The following KCNQ4 variants were observed in gnomAD, a reference collection of about 807,000 sequenced individuals.
KCNQ4 encodes potassium voltage-gated channel subfamily KQT member 4.
KCNQ4 carries 31 observed loss-of-function variants against 72.6 expected under a neutral mutation model. That is an observed-to-expected ratio of 0.43 (90% CI 0.32 to 0.58). KCNQ4 has a LOEUF of 0.58. Ranked by LOEUF, KCNQ4 falls within the 20% of genes least tolerant of loss-of-function variation. The pLI, the probability that KCNQ4 is intolerant of heterozygous loss-of-function variation, is 0.08. For missense variants in KCNQ4, 869 were observed against 962.6 expected (o/e 0.90, Z 1.29); for synonymous variants, 405 against 403.7 (o/e 1.00, Z -0.04).
chr1:40,827,238 T>C (rs1228044762), intron 9 of KCNQ4, among the ~76,000 whole-genome samples: 5 of 152,110 alleles, frequency 3.3e-5, no homozygotes, highest in African/African-American at 1.2e-4. Context: ...CGGTGATGAA[T>C]AAAACATCGT....
chr1:40,808,547 C>T (rs1647832492), intron 1 of KCNQ4, among the ~76,000 whole-genome samples: 1 of 152,118 alleles, frequency 6.6e-6, no homozygotes, highest in African/African-American at 2.4e-5. Context: ...CTCCTGCCCA[C>T]TTCTGAGAGT....
chr1:40,831,093 G>A lies in KCNQ4; in HGVS notation c.1302G>A (p.Met434Ile), dbSNP rs1240213228. The change falls in exon 10 of 14, where the codon ATG (methionine) becomes ATA (isoleucine). Residue 434 changes from methionine (M) to isoleucine (I), a missense_variant. Met to Ile is a conservative substitution (Grantham distance 10, BLOSUM62 1). This residue lies in a region of KCNQ4 where 480 missense variants were observed against 501.9 expected (regional missense o/e 0.96). Transcript: ENST00000347132. ...TSFCPGESSR[M>I]GIKDRIRMGS... ...CTGCCTGCCCTGCCAGCAGCCGGATGGGCATCAAAGACCGCATCCGCATGG... is the reference window on the plus strand; with the variant it reads ...CTGCCTGCCCTGCCAGCAGCCGGATAGGCATCAAAGACCGCATCCGCATGG... 1 of 1,592,664 alleles carries A rather than the reference G, an allele frequency of 6.3e-7. No homozygotes were observed. Among genetic ancestry groups the A allele is most frequent in the Non-Finnish European group, 8.6e-7 (1 of 1,169,460 alleles).
At chr1:40,795,289 T>G (rs1472854426) in intron 1 of KCNQ4, among the ~76,000 whole-genome samples, 2 of 136,334 alleles carry the variant, frequency 1.5e-5, no homozygotes, top group African/African-American at 2.7e-5. Context: ...TGAGACAGAG[T>G]CTTACTCTTT....
At chr1:40,801,635 T>C (rs578173903) in intron 1 of KCNQ4, among the ~76,000 whole-genome samples, 1 of 152,334 alleles carries the variant, frequency 6.6e-6, no homozygotes, top group South Asian at 2.1e-4. Flanking sequence ...ATCCCCGGTG[T>C]CTACCATCTG....
rs1256192768 is a variant in KCNQ4, at chr1:40,811,192, G to C, written c.315-6073G>C. ...CCAATAGGAAGCCTTTGGCCAGCAG[G>C]AGCAGTTATGGTTATTACTTCAGGT... On this transcript the variant is annotated intron_variant, in intron 1 of 13. Transcript: ENST00000347132. 2.0e-5 allele frequency among the ~76,000 whole-genome samples: 3 copies of C among 152,122 alleles called. No individual in the cohort carries two copies. The South Asian group carries it at 6.2e-4, about 31-fold the overall frequency.
At chr1:40,825,977 G>A (rs1055159680) in intron 9 of KCNQ4, among the ~76,000 whole-genome samples, 6 of 152,168 alleles carry the variant, frequency 3.9e-5, no homozygotes, top group African/African-American at 7.2e-5. Flanking sequence ...GGGACTTGGC[G>A]AGTGTCTGGG....
chr1:40,831,044 T>A, intron 9 of KCNQ4, 40 bp from the exon 10 acceptor site: 9 of 1,480,662 alleles, frequency 6.1e-6, no homozygotes, highest in Non-Finnish European at 8.3e-6. Context: ...CCCCCAGCTC[T>A]GGCTAACTTG....
At chr1:40,801,559 C>T (rs1349317102) in intron 1 of KCNQ4, among the ~76,000 whole-genome samples, 1 of 152,226 alleles carries the variant, frequency 6.6e-6, no homozygotes, top group Non-Finnish European at 1.5e-5. Context: ...AAAGTAGGAA[C>T]AAGATCAAGT....
intron 1 of KCNQ4, among the ~76,000 whole-genome samples, chr1:40,799,777 C>A (rs1647524873): frequency 6.6e-6 from 1 of 152,256 alleles, no homozygotes; most frequent in Non-Finnish European, 1.5e-5. Context: ...AACCCACTGC[C>A]TGAATGCAGT....
rs1648892707 is a variant in KCNQ4 at position 40,838,803 on chromosome 1, G to A, written c.*280G>A. ...CCAGTGCCCTGCCCACTCCATCAAG[G>A]CCCTATGTGGCCCACCTGGCAGGGG... is the stretch of plus-strand genomic sequence containing the variant. On this transcript the variant is annotated 3_prime_UTR_variant, in exon 14 of 14. Transcript: ENST00000347132. 2 of 536,358 alleles carry A rather than the reference G, an allele frequency of 3.7e-6. No homozygotes were observed. Among genetic ancestry groups the A allele is most frequent in the Non-Finnish European group, 3.4e-6 (1 of 295,246 alleles). The allele number at this position is 536,358 out of a possible 1,614,324, so 33.2% of individuals were successfully genotyped here. A position where few individuals can be genotyped will look rare whatever the true frequency, so the allele number is the denominator to read the frequency against.
intron 11 of KCNQ4, among the ~76,000 whole-genome samples, chr1:40,834,306 ACCAGGGAGACTTTCAGC>A (rs1386310971): frequency 6.6e-6 from 1 of 152,122 alleles, no homozygotes; most frequent in Non-Finnish European, 1.5e-5. Context: ...CTGGACTCAG[ACCAGGGAGACTTTCAGC>A]CCCACCTCCT....
In KCNQ4 at chr1:40,838,327, A is replaced by G. The variant is rs989457720; in HGVS notation, c.1892A>G (p.His631Arg). 1.2e-6 allele frequency: 2 copies of G among 1,613,390 alleles called. No individual in the cohort carries two copies. The highest frequency in any genetic ancestry group is 1.7e-6 in the Non-Finnish European group (2 of 1,179,886). The change falls in exon 14 of 14, where the codon CAC becomes CGC. Residue 631 changes from histidine (H) to arginine (R), a missense_variant. Physicochemically the swap from His to Arg is conservative, Grantham distance 29. Coordinates refer to ENST00000347132, the MANE Select transcript of KCNQ4 (RefSeq NM_004700.4). ...KVEKQVQSIE[H>R]KLDLLLGFYS... ...CGTCCCCAGGTGCAGTCCATCGAGC[A>G]CAAGCTGGACCTGCTGTTGGGCTTC...
At chr1:40,792,198 C>T (rs888738986) in intron 1 of KCNQ4, among the ~76,000 whole-genome samples, 4 of 152,222 alleles carry the variant, frequency 2.6e-5, no homozygotes, top group East Asian at 1.9e-4. Context: ...CTTGGCTGTC[C>T]CCTGGGAGGG....
Position 40,838,341 on chromosome 1 carries a change from C to T in KCNQ4, c.1906C>T (p.Leu636=). The T allele has an allele frequency of 1.2e-6, 2 of 1,613,888 alleles. No individual in the cohort carries two copies. The highest frequency in any genetic ancestry group is 1.3e-5 in the African/African-American group (1 of 75,052). The change falls in exon 14 of 14, where the codon CTG becomes TTG. Residue 636 remains leucine, a synonymous_variant. Coordinates refer to ENST00000347132, the MANE Select transcript of KCNQ4 (RefSeq NM_004700.4). ...VQSIEHKLDL[L]LGFYSRCLRS... is the part of the protein sequence containing the mutation. ...GTCCATCGAGCACAAGCTGGACCTG[C>T]TGTTGGGCTTCTATTCGCGCTGCCT... is the stretch of plus-strand genomic sequence containing the variant.
chr1:40,806,961 G>C (rs1647783498), intron 1 of KCNQ4, among the ~76,000 whole-genome samples: 1 of 152,172 alleles, frequency 6.6e-6, no homozygotes, highest in African/African-American at 2.4e-5. Context: ...GCCAACCGCA[G>C]GGCTGTCATG....
chr1:40,810,326 C>T (rs946891339), intron 1 of KCNQ4, among the ~76,000 whole-genome samples: 3 of 152,178 alleles, frequency 2.0e-5, no homozygotes, highest in African/African-American at 7.2e-5. Flanking sequence ...ACTGATCCCT[C>T]CACTTTGGTT....
chr1:40,834,868 C>T, intron 11 of KCNQ4, 99 bp from the exon 12 acceptor site: 2 of 1,536,482 alleles, frequency 1.3e-6, no homozygotes, highest in Non-Finnish European at 1.8e-6. Context: ...CAGGAGGTGC[C>T]CTGGTGCTGG....
At position 40,803,476 on chromosome 1, in the gene KCNQ4, A is replaced by G. The variant is rs547553788; in HGVS notation, c.315-13789A>G. The stretch of plus-strand genomic sequence containing the variant: ...CAATCCTGACACCTCTCTCACAGCC[A>G]CCACTCAGGATCCTGCCTCCATCAG... On this transcript the variant is annotated intron_variant, in intron 1 of 13. Transcript: ENST00000347132. Among the ~76,000 whole-genome samples the G allele has an allele frequency of 2.5e-3, 376 of 152,192 alleles. 1 individual carries two copies. Among genetic ancestry groups the G allele is most frequent in the Admixed American group, 3.5e-3 (53 of 15,284 alleles).
Position 40,817,800 on chromosome 1 carries a change from AAC to A in KCNQ4, c.406-360_406-359del, listed in dbSNP as rs1465892472. Among the ~76,000 whole-genome samples, 3 of 152,188 alleles carry A rather than the reference AAC, an allele frequency of 2.0e-5. No homozygotes were observed. The highest frequency in any genetic ancestry group is 7.2e-5 in the African/African-American group (3 of 41,444). Reference sequence around the variant, plus strand: ...TGGATTTTAGGTCAGTTTTTGCCTAAACACAAAACACCAAATGGAAGCCCCTC... The same window carrying A: ...TGGATTTTAGGTCAGTTTTTGCCTAAACAAAACACCAAATGGAAGCCCCTC... On this transcript the variant is annotated intron_variant, in intron 2 of 13. Coordinates refer to ENST00000347132, the MANE Select transcript of KCNQ4 (RefSeq NM_004700.4). This position sits in a 1 kb window ranked among gnomAD's most constrained non-coding sequence, Gnocchi z 5.5.
Sources: allele counts gnomAD v4.1 joint callset (sites outside exome capture counted in the v4.1 genomes callset), GRCh38; gene constraint gnomAD v4.1.1; regional missense constraint gnomAD v4.1.1; non-coding constraint Gnocchi (gnomAD v3.1); transcripts MANE v1.5; gene names NCBI Gene and HGNC (gene_info 2026-07-23, HGNC 2026-07-21).